Variants in PDE11A observed in about 807,000 individuals in gnomAD.
PDE11A encodes dual 3',5'-cyclic-AMP and -GMP phosphodiesterase 11A.
PDE11A carries 100 observed loss-of-function variants against 100.5 expected under a neutral mutation model. The ratio of observed to expected loss-of-function variants is 1.00; its 90% CI spans 0.85 to 1.18. The LOEUF (loss-of-function observed/expected upper bound fraction) is 1.18. Ranked by LOEUF, PDE11A falls within the 50% of genes most tolerant of loss-of-function variation. PDE11A has a pLI of 0.00. For missense variants in PDE11A, 1,141 were observed against 1,152.6 expected (o/e 0.99, Z 0.15); for synonymous variants, 381 against 420.8 (o/e 0.91, Z 1.16).
At chr2:177,664,416 G>A (rs370300579) in intron 18 of PDE11A, among the ~76,000 whole-genome samples, 2 of 152,218 alleles carry the variant, frequency 1.3e-5, no homozygotes, top group South Asian at 4.2e-4. Flanking sequence ...ATTTTTCTGG[G>A]TAGGGGTTGA....
chr2:178,018,768 A>C (rs1470288993), intron 1 of PDE11A, among the ~76,000 whole-genome samples: 1 of 152,070 alleles, frequency 6.6e-6, no homozygotes, highest in East Asian at 1.9e-4. Context: ...GTCTGGTCTC[A>C]AATTACTGGC....
intron 15 of PDE11A, chr2:177,687,964 T>G (rs2080978842): frequency 6.6e-6 from 1 of 152,244 alleles, no homozygotes; most frequent in African/African-American, 2.4e-5. Context: ...CATTTCCACC[T>G]TTCCATGTGT....
At chr2:177,962,909 T>C (rs907131546) in intron 2 of PDE11A, among the ~76,000 whole-genome samples, 1 of 152,188 alleles carries the variant, frequency 6.6e-6, no homozygotes. Flanking sequence ...GTTAATACTG[T>C]ATCCAAATGC....
chr2:177,980,299 C>G (rs2085865425), intron 2 of PDE11A, among the ~76,000 whole-genome samples: 1 of 150,912 alleles, frequency 6.6e-6, no homozygotes, highest in Admixed American at 6.6e-5. Context: ...TGACTAATGT[C>G]CAATCAACTG....
At chr2:177,693,874 C>T (rs750517184) in intron 15 of PDE11A, among the ~76,000 whole-genome samples, 1 of 152,182 alleles carries the variant, frequency 6.6e-6, no homozygotes, top group Non-Finnish European at 1.5e-5. Flanking sequence ...AAGATCCTTC[C>T]GATTCCACAA....
chr2:177,756,230 T>A (rs149101891), intron 10 of PDE11A, among the ~76,000 whole-genome samples: 1 of 151,974 alleles, frequency 6.6e-6, no homozygotes, highest in East Asian at 1.9e-4. Context: ...CTTTCAGGGG[T>A]TATCAAAATA....
At chr2:177,727,848 T>TA in intron 11 of PDE11A, 83 bp from the exon 12 acceptor site, 1 of 995,856 alleles carries the variant, frequency 1.0e-6, no homozygotes, top group Non-Finnish European at 1.6e-6. Flanking sequence ...TATATCTGAG[T>TA]AACCCTCAGT....
chr2:177,660,061 TTC>T (rs201496335), intron 19 of PDE11A, among the ~76,000 whole-genome samples: 3 of 42,602 alleles, frequency 7.0e-5, no homozygotes, highest in Non-Finnish European at 1.6e-4. Flanking sequence ...CTTTCTTTCT[TTC>T]TTTCTTTCTT....
chr2:177,655,173 A>T (rs1290189184), intron 19 of PDE11A, among the ~76,000 whole-genome samples: 1 of 152,218 alleles, frequency 6.6e-6, no homozygotes, highest in Non-Finnish European at 1.5e-5. Context: ...CAGCATTTTA[A>T]TATGGATTCA....
intron 1 of PDE11A, among the ~76,000 whole-genome samples, chr2:178,020,295 C>T (rs887467259): frequency 8.5e-5 from 13 of 152,080 alleles, no homozygotes; most frequent in African/African-American, 1.4e-4. Context: ...GGTCTCTTAC[C>T]GACCAAAACT....
chr2:178,042,169 T>C (rs2086690602), intron 1 of PDE11A, among the ~76,000 whole-genome samples: 1 of 152,170 alleles, frequency 6.6e-6, no homozygotes, highest in South Asian at 2.1e-4. Flanking sequence ...ATTCTAAAGA[T>C]ACCTACAATT....
chr2:177,891,506 G>C (rs2084529429), intron 4 of PDE11A, among the ~76,000 whole-genome samples: 1 of 152,150 alleles, frequency 6.6e-6, no homozygotes, highest in African/African-American at 2.4e-5. Flanking sequence ...TTGTTCTAAA[G>C]AGCCTTTACC....
At chr2:177,864,278 T>C (rs1370354813) in intron 5 of PDE11A, among the ~76,000 whole-genome samples, 2 of 152,074 alleles carry the variant, frequency 1.3e-5, no homozygotes, top group Non-Finnish European at 2.9e-5. Flanking sequence ...AGAGAAATAA[T>C]GTACATGAGG....
intron 6 of PDE11A, among the ~76,000 whole-genome samples, chr2:177,836,423 C>A (rs146821235): frequency 6.6e-6 from 1 of 152,140 alleles, no homozygotes; most frequent in African/African-American, 2.4e-5. Flanking sequence ...TAATCTGATG[C>A]GGACTTGGAG....
At chr2:177,957,893 C>T (rs1430873919) in intron 2 of PDE11A, among the ~76,000 whole-genome samples, 1 of 94,640 alleles carries the variant, frequency 1.1e-5, no homozygotes, top group Admixed American at 9.0e-5. Flanking sequence ...TATCCTTTAC[C>T]TTTGTTTTTC....
At chr2:178,085,777 A>G (rs1574390978) in intron 2 of PDE11A, among the ~76,000 whole-genome samples, 1 of 152,352 alleles carries the variant, frequency 6.6e-6, no homozygotes, top group East Asian at 1.9e-4. Flanking sequence ...TTCAGATGAA[A>G]TTAAAAATAG....
intron 2 of PDE11A, among the ~76,000 whole-genome samples, chr2:177,989,714 T>C (rs1488829035): frequency 6.6e-6 from 1 of 152,116 alleles, no homozygotes; most frequent in African/African-American, 2.4e-5. Context: ...AGCATTTATC[T>C]AAATACCAGG....
At chr2:177,709,983 GGAAGGAAA>G (rs1309210705) in intron 13 of PDE11A, among the ~76,000 whole-genome samples, 5 of 152,132 alleles carry the variant, frequency 3.3e-5, no homozygotes, top group Non-Finnish European at 5.9e-5. Context: ...AGCTTGACTG[GGAAGGAAA>G]GAAGGAAATA....
At chr2:178,079,184 A>C (rs987992912) in intron 2 of PDE11A, among the ~76,000 whole-genome samples, 18 of 152,218 alleles carry the variant, frequency 1.2e-4, no homozygotes, top group Admixed American at 2.0e-4. Context: ...GCACATGTGC[A>C]GGGTGTGCGG....
Sources: gnomAD v4.1 joint callset for allele counts (sites outside exome capture counted in the v4.1 genomes callset) on GRCh38, gnomAD v4.1.1 for gene constraint, MANE v1.5 for transcripts, NCBI Gene and HGNC (gene_info 2026-07-23, HGNC 2026-07-21) for gene names.